Variants in ADIPOR2 observed in about 807,000 individuals in gnomAD.
ADIPOR2 encodes the protein adiponectin receptor protein 2.
ADIPOR2 carries 18 observed loss-of-function variants against 40.9 expected under a neutral mutation model. The observed-to-expected ratio is 0.44, with a 90% CI of 0.30 to 0.65. The LOEUF (loss-of-function observed/expected upper bound fraction) is 0.65. Among genes scored for constraint, ADIPOR2 ranks in the 30% least tolerant of loss-of-function variants. The pLI, the probability that ADIPOR2 is intolerant of heterozygous loss-of-function variation, is 0.09. For missense variants in ADIPOR2, 283 were observed against 479.2 expected (o/e 0.59, Z 3.82); for synonymous variants, 165 against 166.4 (o/e 0.99, Z 0.06).
intron 2 of ADIPOR2, chr12:1,761,108 A>C (rs1250304974): frequency 1.3e-5 from 2 of 152,306 alleles, no homozygotes; most frequent in African/African-American, 4.8e-5. Flanking sequence ...TACCTAATTT[A>C]TAAATTAAAC....
At chr12:1,729,936 A>G (rs893942377) in intron 1 of ADIPOR2, among the ~76,000 whole-genome samples, 1 of 152,096 alleles carries the variant, frequency 6.6e-6, no homozygotes, top group African/African-American at 2.4e-5. Context: ...AGTGCACCCT[A>G]TTTAGTGGTA....
intron 1 of ADIPOR2, among the ~76,000 whole-genome samples, chr12:1,744,211 A>G (rs1445523173): frequency 6.6e-6 from 1 of 150,720 alleles, no homozygotes; most frequent in Admixed American, 6.6e-5. Context: ...GGTTCATGCC[A>G]TTCTCCTGTC....
At chr12:1,710,927 G>A (rs567917524) in intron 1 of ADIPOR2, among the ~76,000 whole-genome samples, 2 of 152,234 alleles carry the variant, frequency 1.3e-5, no homozygotes, top group East Asian at 1.9e-4. Context: ...GCCTGAAGGC[G>A]AGTAATAGCA....
intron 2 of ADIPOR2, among the ~76,000 whole-genome samples, chr12:1,770,893 A>G (rs547219287): frequency 2.6e-5 from 4 of 152,312 alleles, no homozygotes; most frequent in African/African-American, 9.6e-5. Flanking sequence ...TGCAGTCTCT[A>G]ATGAAAATTG....
chr12:1,700,033 C>CT (rs773276460), intron 1 of ADIPOR2, among the ~76,000 whole-genome samples: 7 of 152,194 alleles, frequency 4.6e-5, no homozygotes, highest in Admixed American at 2.0e-4. Context: ...GAAAAGGACA[C>CT]TTAAGTTTTT....
At chr12:1,737,730 T>G (rs1222623205) in intron 1 of ADIPOR2, among the ~76,000 whole-genome samples, 1 of 152,226 alleles carries the variant, frequency 6.6e-6, no homozygotes, top group South Asian at 2.1e-4. Flanking sequence ...TTTTGTATTT[T>G]TAGTAGAGAT....
chr12:1,785,267 A>T (rs1317989335), intron 7 of ADIPOR2, among the ~76,000 whole-genome samples: 1 of 152,242 alleles, frequency 6.6e-6, no homozygotes, highest in Non-Finnish European at 1.5e-5. Flanking sequence ...AATAGCATTC[A>T]ACAGAACAGG....
rs1332960284 is a variant in ADIPOR2, at chr12:1,693,556, G to A, written c.-87+2365G>A. 6.7e-5 allele frequency among the ~76,000 whole-genome samples: 10 copies of A among 150,372 alleles called. No individual in the cohort carries two copies. The East Asian group carries it at 1.6e-3, about 23-fold the overall frequency. ...TTTTGTTCATTTTGTTTTTTGAGAC[G>A]GAGTTTCGTTCTTGTTGCCCAGGCT... is the stretch of plus-strand genomic sequence containing the variant. On this transcript the variant is annotated intron_variant, in intron 1 of 7. Transcript: ENST00000357103.
intron 1 of ADIPOR2, chr12:1,697,563 T>C (rs950562840): frequency 6.6e-6 from 1 of 152,618 alleles, no homozygotes. Context: ...ACGATGTATA[T>C]GAAATTCTGC....
intron 1 of ADIPOR2, among the ~76,000 whole-genome samples, chr12:1,707,001 T>G (rs141258673): frequency 5.9e-4 from 90 of 152,206 alleles, no homozygotes; most frequent in African/African-American, 2.0e-3. Context: ...GAAAAAAACT[T>G]TGTGTGTGTA....
intron 1 of ADIPOR2, among the ~76,000 whole-genome samples, chr12:1,714,445 A>C (rs570684133): frequency 6.6e-6 from 1 of 152,110 alleles, no homozygotes; most frequent in Admixed American, 6.5e-5. Context: ...TTTAGGATCA[A>C]TTGACCCTCG....
chr12:1,732,551 A>G (rs77076503), intron 1 of ADIPOR2, among the ~76,000 whole-genome samples: 7 of 152,260 alleles, frequency 4.6e-5, no homozygotes, highest in African/African-American at 1.7e-4. Flanking sequence ...TTGTTTATTC[A>G]TTGACCTATT....
chr12:1,736,885 A>G (rs1009317500), intron 1 of ADIPOR2, among the ~76,000 whole-genome samples: 8 of 152,212 alleles, frequency 5.3e-5, no homozygotes, highest in Non-Finnish European at 1.0e-4. Flanking sequence ...GTAGTCATTC[A>G]GGAGGAGGTT....
chr12:1,781,599 A>G lies in ADIPOR2; in HGVS notation c.838+523A>G, dbSNP rs191174211. ...AAAGGGGCTTTTTATATTTAGGATAATGCCTGTTTAGCTGGAGATCATAGA... is the reference window on the plus strand; with the variant it reads ...AAAGGGGCTTTTTATATTTAGGATAGTGCCTGTTTAGCTGGAGATCATAGA... On this transcript the variant is annotated intron_variant, in intron 6 of 7. Coordinates refer to ENST00000357103, the MANE Select transcript of ADIPOR2 (RefSeq NM_024551.3). 2.0e-3 allele frequency among the ~76,000 whole-genome samples: 299 copies of G among 152,208 alleles called. 1 individual carries two copies. The highest frequency in any genetic ancestry group is 6.4e-3 in the African/African-American group (267 of 41,530).
At chr12:1,725,992 G>T (rs1196595888) in intron 1 of ADIPOR2, among the ~76,000 whole-genome samples, 1 of 152,008 alleles carries the variant, frequency 6.6e-6, no homozygotes, top group Non-Finnish European at 1.5e-5. Context: ...TGCCCTTATG[G>T]AACCTACAAT....
At chr12:1,731,203 G>A (rs1376955000) in intron 1 of ADIPOR2, 2 of 152,148 alleles carry the variant, frequency 1.3e-5, no homozygotes, top group African/African-American at 4.8e-5. Flanking sequence ...TGGGACTACA[G>A]GCATGTGACA....
intron 1 of ADIPOR2, among the ~76,000 whole-genome samples, chr12:1,704,004 T>C (rs1455666248): frequency 1.4e-5 from 2 of 143,568 alleles, no homozygotes; most frequent in Non-Finnish European, 3.0e-5. Flanking sequence ...TGAACCGCTA[T>C]GCCCCCACCA....
intron 6 of ADIPOR2, among the ~76,000 whole-genome samples, chr12:1,782,913 GT>G (rs1216710534): frequency 6.7e-6 from 1 of 149,318 alleles, no homozygotes; most frequent in Non-Finnish European, 1.5e-5. Context: ...CCAGTTATAG[GT>G]TATAGATTTA....
chr12:1,766,153 A>G (rs1327626890), intron 2 of ADIPOR2, among the ~76,000 whole-genome samples: 1 of 152,248 alleles, frequency 6.6e-6, no homozygotes, highest in Non-Finnish European at 1.5e-5. Context: ...ACAGATTACT[A>G]TGGTAGTAAC....
Sources: allele counts gnomAD v4.1 joint callset (sites outside exome capture counted in the v4.1 genomes callset), GRCh38; gene constraint gnomAD v4.1.1; transcripts MANE v1.5; gene names NCBI Gene and HGNC (gene_info 2026-07-23, HGNC 2026-07-21).